The following CTNNA3 variants were observed in gnomAD, a reference collection of about 807,000 sequenced individuals.
The protein encoded by CTNNA3 is catenin alpha 3.
Under a neutral mutation model 95.7 loss-of-function variants are expected in CTNNA3, and 76 were observed. The ratio of observed to expected loss-of-function variants is 0.79; its 90% confidence interval spans 0.66 to 0.96. The LOEUF is 0.96. Among genes scored for constraint, CTNNA3 ranks in the 40% least tolerant of loss-of-function variants. The pLI is 0.00. For synonymous variants in CTNNA3, 431 were observed against 374.4 expected, an observed-to-expected ratio of 1.15 and a Z score of -1.74; for missense variants, 1,191 against 1,089.8, an observed-to-expected ratio of 1.09 and a Z score of -1.31.
chr10:66,627,559 C>G (rs1844981101), intron 9 of CTNNA3, among the ~76,000 whole-genome samples: 1 of 152,104 alleles, frequency 6.6e-6, no homozygotes, highest in Admixed American at 6.6e-5. Context: ...GAGCCAGAAA[C>G]TTATACCCTA....
intron 5 of CTNNA3, among the ~76,000 whole-genome samples, chr10:67,314,790 A>ATTATTGT (rs1211205739): frequency 6.6e-6 from 1 of 152,194 alleles, no homozygotes; most frequent in African/African-American, 2.4e-5. Flanking sequence ...ACTATCATTT[A>ATTATTGT]TTATTGTTTA....
At chr10:66,711,377 C>T (rs573086491) in intron 9 of CTNNA3, among the ~76,000 whole-genome samples, 1 of 151,488 alleles carries the variant, frequency 6.6e-6, no homozygotes, top group African/African-American at 2.4e-5. Context: ...AGCTATATAT[C>T]ATGAAATATA....
chr10:67,380,062 A>C (rs1421155829), intron 5 of CTNNA3, among the ~76,000 whole-genome samples: 2 of 151,966 alleles, frequency 1.3e-5, no homozygotes, highest in Non-Finnish European at 2.9e-5. Context: ...CTGGAGAGCA[A>C]ACAGAACACT....
chr10:66,389,424 C>A (rs539320203), intron 11 of CTNNA3, among the ~76,000 whole-genome samples: 2 of 151,920 alleles, frequency 1.3e-5, no homozygotes, highest in African/African-American at 4.8e-5. Flanking sequence ...CTGGTGTTAG[C>A]GTAAATGCTG....
intron 13 of CTNNA3, among the ~76,000 whole-genome samples, chr10:66,276,087 T>C (rs1262749003): frequency 1.3e-5 from 2 of 152,184 alleles, no homozygotes; most frequent in Non-Finnish European, 2.9e-5. Flanking sequence ...ATTTATCTTA[T>C]TTTTCTTTGT....
At chr10:66,814,588 C>T (rs1176732592) in intron 7 of CTNNA3, among the ~76,000 whole-genome samples, 5 of 152,044 alleles carry the variant, frequency 3.3e-5, no homozygotes, top group Non-Finnish European at 7.4e-5. Flanking sequence ...ATGGCAAAAC[C>T]TTGTCTCTAC....
chr10:66,767,969 G>A (rs951884807), intron 8 of CTNNA3, among the ~76,000 whole-genome samples: 2 of 152,148 alleles, frequency 1.3e-5, no homozygotes, highest in Non-Finnish European at 2.9e-5. Context: ...TTAGGACAAA[G>A]TATAGAGTGC....
At chr10:66,466,272 C>A (rs1415949480) in intron 11 of CTNNA3, among the ~76,000 whole-genome samples, 1 of 151,224 alleles carries the variant, frequency 6.6e-6, no homozygotes, top group Non-Finnish European at 1.5e-5. Context: ...ACAAGTCAAT[C>A]CCTTAAAATA....
intron 7 of CTNNA3, among the ~76,000 whole-genome samples, chr10:67,131,973 C>G (rs1482136187): frequency 3.9e-5 from 6 of 151,962 alleles, no homozygotes; most frequent in Non-Finnish European, 1.5e-5. Context: ...AGAATGGAAA[C>G]TGTGAAGGCC....
At chr10:67,716,870 G>C (rs547929006) in intron 1 of CTNNA3, among the ~76,000 whole-genome samples, 1 of 152,178 alleles carries the variant, frequency 6.6e-6, no homozygotes, top group East Asian at 1.9e-4. Context: ...TGGTATTTCT[G>C]GTTCTAGATC....
At chr10:66,962,927 C>G (rs1256639098) in intron 7 of CTNNA3, among the ~76,000 whole-genome samples, 2 of 152,100 alleles carry the variant, frequency 1.3e-5, no homozygotes, top group East Asian at 3.9e-4. Flanking sequence ...GTTCACAGAT[C>G]TCTCCCCAGT....
chr10:66,502,411 G>A (rs1432483303), intron 11 of CTNNA3, among the ~76,000 whole-genome samples: 2 of 152,012 alleles, frequency 1.3e-5, no homozygotes, highest in Non-Finnish European at 2.9e-5. Flanking sequence ...ATAAAATATA[G>A]AAAATAATCT....
chr10:66,805,852 A>G (rs908137122), intron 7 of CTNNA3, among the ~76,000 whole-genome samples: 1 of 152,078 alleles, frequency 6.6e-6, no homozygotes, highest in Admixed American at 6.6e-5. Context: ...GGCTGAGAGA[A>G]TGAAATGTAA....
chr10:66,355,209 A>G (rs895164769), intron 12 of CTNNA3, among the ~76,000 whole-genome samples: 1 of 152,126 alleles, frequency 6.6e-6, no homozygotes, highest in Non-Finnish European at 1.5e-5. Flanking sequence ...AGAAACTTGC[A>G]TTTAAAGGTA....
At chr10:66,545,251 T>C (rs1302900301) in intron 10 of CTNNA3, among the ~76,000 whole-genome samples, 1 of 152,054 alleles carries the variant, frequency 6.6e-6, no homozygotes, top group Non-Finnish European at 1.5e-5. Flanking sequence ...ATTTTTCTTT[T>C]TAATGTTACC....
chr10:67,728,586 T>C (rs927144130), intron 1 of CTNNA3, among the ~76,000 whole-genome samples: 5 of 151,802 alleles, frequency 3.3e-5, no homozygotes, highest in Non-Finnish European at 5.9e-5. Flanking sequence ...TCAATGCTGC[T>C]GGTCTGGGAA....
intron 12 of CTNNA3, among the ~76,000 whole-genome samples, chr10:66,311,635 T>G (rs565432957): frequency 6.6e-6 from 1 of 152,322 alleles, no homozygotes; most frequent in South Asian, 2.1e-4. Flanking sequence ...GTATTCAACC[T>G]GCAATGGTAA....
intron 13 of CTNNA3, among the ~76,000 whole-genome samples, chr10:66,268,808 C>T (rs1366823177): frequency 1.3e-5 from 2 of 152,170 alleles, no homozygotes; most frequent in Non-Finnish European, 2.9e-5. Context: ...GGCCACCAAA[C>T]TTCCTATTCA....
intron 9 of CTNNA3, among the ~76,000 whole-genome samples, chr10:66,630,548 T>C (rs1303249405): frequency 6.6e-6 from 1 of 152,144 alleles, no homozygotes; most frequent in Non-Finnish European, 1.5e-5. Context: ...GGATGCCAAA[T>C]GTTGGCAAGT....
Sources: gnomAD v4.1 joint callset for allele counts (sites outside exome capture counted in the v4.1 genomes callset) on GRCh38, gnomAD v4.1.1 for gene constraint, MANE v1.5 for transcripts, NCBI Gene and HGNC (gene_info 2026-07-23, HGNC 2026-07-21) for gene names.